Variants in XKR6 observed in about 807,000 individuals in gnomAD.
XKR6 encodes the protein XK related 6.
In XKR6, 22 loss-of-function variants were observed where a neutral mutation model predicts 56.7. The ratio of observed to expected loss-of-function variants is 0.39; its 90% confidence interval spans 0.28 to 0.55. The LOEUF is 0.55. Ranked by LOEUF, XKR6 falls within the 20% of genes least tolerant of loss-of-function variation. The pLI, the probability that XKR6 is intolerant of heterozygous loss-of-function variation, is 0.66. For missense variants in XKR6, 852 were observed against 889.0 expected (o/e 0.96, Z 0.53); for synonymous variants, 524 against 387.8 (o/e 1.35, Z -4.13).
intron 1 of XKR6, among the ~76,000 whole-genome samples, chr8:11,058,653 C>T (rs1005667761): frequency 2.0e-4 from 31 of 152,112 alleles, no homozygotes; most frequent in Admixed American, 3.9e-4. Context: ...CAGATGGACA[C>T]CGGGAGGGGA....
intron 1 of XKR6, among the ~76,000 whole-genome samples, chr8:10,976,105 G>A (rs1452556033): frequency 1.3e-5 from 2 of 152,136 alleles, no homozygotes; most frequent in African/African-American, 4.8e-5. Context: ...GAACCCGGGA[G>A]GTGGAGCTTG....
chr8:11,001,340 T>A (rs1798234168), intron 1 of XKR6, among the ~76,000 whole-genome samples: 1 of 146,652 alleles, frequency 6.8e-6, no homozygotes, highest in South Asian at 2.1e-4. Flanking sequence ...CTTCATAATG[T>A]TGTTTAGGGC....
At chr8:11,006,759 C>G (rs1798378493) in intron 1 of XKR6, among the ~76,000 whole-genome samples, 1 of 152,194 alleles carries the variant, frequency 6.6e-6, no homozygotes. Flanking sequence ...ACCTTACAGA[C>G]CAAGCCAGAT....
chr8:11,159,181 T>A (rs565189507), intron 1 of XKR6, among the ~76,000 whole-genome samples: 1 of 152,230 alleles, frequency 6.6e-6, no homozygotes. Flanking sequence ...ACATCCACCA[T>A]ATATTCCCAG....
rs143651295 is a variant in XKR6 at position 10,997,493 on chromosome 8, T to C, written c.765-72663A>G. ...AGAGCATTCCACAGACCCTGCCTTA[T>C]TCTAGCTGGTGAGATAGCCATAGGA... On this transcript the variant is annotated intron_variant, in intron 1 of 2. Coordinates refer to ENST00000416569, the MANE Select transcript of XKR6 (RefSeq NM_173683.4). Among the ~76,000 whole-genome samples the C allele has an allele frequency of 4.6e-3, 698 of 152,322 alleles. 4 individuals are homozygous for C. Among genetic ancestry groups the C allele is most frequent in the African/African-American group, 0.016 (653 of 41,572 alleles).
intron 1 of XKR6, among the ~76,000 whole-genome samples, chr8:11,078,254 C>G (rs1024122957): frequency 1.3e-5 from 2 of 152,118 alleles, no homozygotes; most frequent in Non-Finnish European, 2.9e-5. Context: ...CTGTGTGCCC[C>G]GAGACTTTAT....
chr8:11,196,079 T>C (rs936105269), intron 1 of XKR6, among the ~76,000 whole-genome samples: 1 of 152,124 alleles, frequency 6.6e-6, no homozygotes, highest in African/African-American at 2.4e-5. Context: ...AATCTATTAA[T>C]GTGTCTATAA....
chr8:11,049,499 G>C (rs571716263), intron 1 of XKR6, among the ~76,000 whole-genome samples: 1 of 152,156 alleles, frequency 6.6e-6, no homozygotes, highest in Non-Finnish European at 1.5e-5. Context: ...GTGGCTGTAC[G>C]TGAAGACCTA....
intron 1 of XKR6, among the ~76,000 whole-genome samples, chr8:10,976,660 G>A (rs537445081): frequency 6.6e-6 from 1 of 152,186 alleles, no homozygotes; most frequent in African/African-American, 2.4e-5. Context: ...GGAAGACAAT[G>A]AGGCAGCCAC....
intron 1 of XKR6, among the ~76,000 whole-genome samples, chr8:10,940,800 G>A (rs531064087): frequency 5.3e-5 from 8 of 152,214 alleles, no homozygotes; most frequent in African/African-American, 1.9e-4. Flanking sequence ...ATAGGCCGGC[G>A]GGCCCATCAC....
intron 1 of XKR6, among the ~76,000 whole-genome samples, chr8:11,046,526 T>C (rs983916435): frequency 2.0e-5 from 3 of 152,132 alleles, no homozygotes; most frequent in African/African-American, 7.2e-5. Context: ...AGCCAAAAGG[T>C]AGAAGTAACT....
chr8:10,902,804 CT>C (rs1236230256), intron 2 of XKR6, among the ~76,000 whole-genome samples: 4 of 152,208 alleles, frequency 2.6e-5, no homozygotes, highest in African/African-American at 9.6e-5. Context: ...GTGCCTGCCC[CT>C]CTCTCTCTGC....
chr8:11,015,625 G>C (rs980595986), intron 1 of XKR6, among the ~76,000 whole-genome samples: 4 of 152,188 alleles, frequency 2.6e-5, no homozygotes, highest in Non-Finnish European at 5.9e-5. Context: ...CCTCAGGCAA[G>C]AAGCGGGGCT....
At chr8:11,114,006 G>C in intron 1 of XKR6, 1 of 397,136 alleles carries the variant, frequency 2.5e-6, no homozygotes, top group Non-Finnish European at 4.9e-6. Flanking sequence ...GTTTCAGGAC[G>C]AGGCGATCGC....
Position 11,201,757 on chromosome 8 carries a change from G to A in XKR6, c.-418C>T, listed in dbSNP as rs1006196974. Among the ~76,000 whole-genome samples, 1 of 152,198 alleles carries A rather than the reference G, an allele frequency of 6.6e-6. No individual in the cohort carries two copies. The highest frequency in any genetic ancestry group is 2.4e-5 in the African/African-American group (1 of 41,454). Reference sequence around the variant, plus strand: ...CGGTCCAAAGTGATCCCTGGAGGGGGCAGTGCCAGACGTTTTGGGGTCCCC... The same window carrying A: ...CGGTCCAAAGTGATCCCTGGAGGGGACAGTGCCAGACGTTTTGGGGTCCCC... On this transcript the variant is annotated 5_prime_UTR_variant, in exon 1 of 3. Transcript: ENST00000416569.
At chr8:11,170,681 G>C (rs971784070) in intron 1 of XKR6, among the ~76,000 whole-genome samples, 2 of 152,096 alleles carry the variant, frequency 1.3e-5, no homozygotes, top group African/African-American at 2.4e-5. Context: ...AATCTAAGTG[G>C]GTAAATTTTG....
At chr8:10,905,589 G>A (rs1462873912) in intron 2 of XKR6, among the ~76,000 whole-genome samples, 2 of 152,166 alleles carry the variant, frequency 1.3e-5, no homozygotes, top group Non-Finnish European at 2.9e-5. Flanking sequence ...GCCCCAGACA[G>A]GACACAGGCT....
At chr8:11,074,009 A>C (rs976459434) in intron 1 of XKR6, among the ~76,000 whole-genome samples, 1 of 152,226 alleles carries the variant, frequency 6.6e-6, no homozygotes, top group Non-Finnish European at 1.5e-5. Context: ...GAATTGAAAA[A>C]AGAAAAAAAA....
At chr8:10,970,821 A>C (rs998061375) in intron 1 of XKR6, among the ~76,000 whole-genome samples, 1 of 151,658 alleles carries the variant, frequency 6.6e-6, no homozygotes, top group African/African-American at 2.4e-5. Flanking sequence ...AAAAAAAAAA[A>C]ACCTCTGTAT....
Sources: allele counts gnomAD v4.1 joint callset (sites outside exome capture counted in the v4.1 genomes callset), GRCh38; gene constraint gnomAD v4.1.1; transcripts MANE v1.5; gene names NCBI Gene and HGNC (gene_info 2026-07-23, HGNC 2026-07-21).